PRKCB: variants seen among roughly 807,000 people sequenced by gnomAD.
The protein encoded by PRKCB is protein kinase C beta type.
A neutral mutation model predicts 81.5 loss-of-function variants in PRKCB; 13 were observed. That is an observed-to-expected ratio of 0.16 (90% CI 0.10 to 0.25). The LOEUF is 0.25. Among genes scored for constraint, PRKCB ranks in the 10% least tolerant of loss-of-function variants. The pLI is 1.00. For missense variants in PRKCB, 509 were observed against 875.7 expected (o/e 0.58, Z 5.29); for synonymous variants, 335 against 321.4 (o/e 1.04, Z -0.45).
In PRKCB at chr16:24,215,761, G is replaced by A. The variant is rs1041388467; in HGVS notation, c.*945G>A. The A allele has an allele frequency of 1.0e-6, 1 of 985,852 alleles. No homozygotes were observed. The highest frequency in any genetic ancestry group is 4.7e-5 in the South Asian group (1 of 21,286). The allele number at this position is 985,852 out of a possible 1,614,324, so 61.1% of individuals were successfully genotyped here. A position where few individuals can be genotyped will look rare whatever the true frequency, so the allele number is the denominator to read the frequency against. On this transcript the variant is annotated 3_prime_UTR_variant, in exon 17 of 17. Coordinates refer to ENST00000643927, the MANE Select transcript of PRKCB (RefSeq NM_002738.7). ...CTTTGATTTAACCAAGAAGACGGCT[G>A]CGGAGCCTAGCAGACTCAGGCCTGT...
chr16:24,164,640 G>A (rs530805681), intron 10 of PRKCB, among the ~76,000 whole-genome samples: 2 of 152,316 alleles, frequency 1.3e-5, no homozygotes, highest in African/African-American at 4.8e-5. Flanking sequence ...TGGAGCTCAG[G>A]AGAGAGGGAG....
Position 24,212,461 on chromosome 16 carries a change from C to CTTTTTTTTTTTT in PRKCB, c.1864-2182_1864-2171dup, listed in dbSNP as rs975667798. The stretch of plus-strand genomic sequence containing the variant: ...CTCTCTCCTCCTGTGCTTTTTTTTC[C>CTTTTTTTTTTTT]TTTTTTTTTTTTTTTTTTTTTTTTT... On this transcript the variant is annotated intron_variant, in intron 16 of 16. Coordinates refer to ENST00000643927, the MANE Select transcript of PRKCB (RefSeq NM_002738.7). Among the ~76,000 whole-genome samples, 116 of 78,010 alleles carry CTTTTTTTTTTTT rather than the reference C, an allele frequency of 1.5e-3. 1 individual carries two copies. In the East Asian group the frequency reaches 0.028, roughly 19 times the overall value. 51.2% of individuals were successfully genotyped at this position (78,010 alleles called of 152,430 possible).
intron 2 of PRKCB, among the ~76,000 whole-genome samples, chr16:23,839,852 G>A (rs999561223): frequency 6.6e-6 from 1 of 152,220 alleles, no homozygotes; most frequent in Non-Finnish European, 1.5e-5. Context: ...AGTATGCTCA[G>A]AAAATATCTG....
intron 2 of PRKCB, among the ~76,000 whole-genome samples, chr16:23,919,727 T>C (rs929359489): frequency 5.9e-5 from 9 of 152,180 alleles, no homozygotes; most frequent in African/African-American, 1.9e-4. Flanking sequence ...ATTTGAATAC[T>C]ATAGGTATCT....
At chr16:23,897,017 C>A (rs1417103673) in intron 2 of PRKCB, among the ~76,000 whole-genome samples, 1 of 152,102 alleles carries the variant, frequency 6.6e-6, no homozygotes, top group Non-Finnish European at 1.5e-5. Flanking sequence ...TCTATCCATT[C>A]ATCCATCCAT....
intron 7 of PRKCB, among the ~76,000 whole-genome samples, chr16:24,104,875 T>C (rs759288172): frequency 2.0e-5 from 3 of 152,114 alleles, no homozygotes; most frequent in Non-Finnish European, 4.4e-5. Context: ...TTGTCAGGAC[T>C]TTGTCTTCTA....
At chr16:24,021,037 T>TTTCTTTC (rs1567346754) in intron 3 of PRKCB, among the ~76,000 whole-genome samples, 1 of 139,184 alleles carries the variant, frequency 7.2e-6, no homozygotes, top group Admixed American at 7.2e-5. Flanking sequence ...TCTTTCTTTC[T>TTTCTTTC]TTCTCTTTCT....
rs78574940 is a variant in PRKCB at position 24,154,017 on chromosome 16, G to A, written c.1066-667G>A. 9.1e-3 allele frequency among the ~76,000 whole-genome samples: 1,383 copies of A among 152,348 alleles called. 11 individuals carry two copies. Among genetic ancestry groups the A allele is most frequent in the Admixed American group, 0.016 (248 of 15,310 alleles). ...TTTATTGAACATGTACTATGAGCCAGGAGCTATTGCAGGCTCTTGGGTTAC... is the reference window on the plus strand; with the variant it reads ...TTTATTGAACATGTACTATGAGCCAAGAGCTATTGCAGGCTCTTGGGTTAC... On this transcript the variant is annotated intron_variant, in intron 9 of 16. Coordinates refer to ENST00000643927, the MANE Select transcript of PRKCB (RefSeq NM_002738.7).
chr16:23,963,198 A>G (rs1360797322), intron 2 of PRKCB: 5 of 152,232 alleles, frequency 3.3e-5, no homozygotes, highest in Admixed American at 3.3e-4. Flanking sequence ...GCACATGGGC[A>G]AGTTTCCTCA....
chr16:24,156,583 C>G (rs1384010295), intron 10 of PRKCB, among the ~76,000 whole-genome samples: 1 of 152,058 alleles, frequency 6.6e-6, no homozygotes, highest in East Asian at 1.9e-4. Flanking sequence ...CCAAAGTTGG[C>G]TTTTAAAATA....
chr16:24,122,684 T>A (rs1360837557), intron 8 of PRKCB, among the ~76,000 whole-genome samples: 1 of 152,186 alleles, frequency 6.6e-6, no homozygotes, highest in Non-Finnish European at 1.5e-5. Flanking sequence ...GTTCTCAAAC[T>A]TCTATCCTCA....
chr16:24,188,030 A>G (rs1182498330), intron 15 of PRKCB, among the ~76,000 whole-genome samples: 1 of 152,188 alleles, frequency 6.6e-6, no homozygotes, highest in Non-Finnish European at 1.5e-5. Context: ...TCCCCTTCAC[A>G]CGCCCGCCCT....
intron 9 of PRKCB, among the ~76,000 whole-genome samples, chr16:24,153,566 C>T (rs1382136997): frequency 1.3e-5 from 2 of 152,190 alleles, no homozygotes; most frequent in Non-Finnish European, 2.9e-5. Context: ...GTGCTTCCTA[C>T]AGGGCTTCTT....
chr16:23,902,780 T>TCCTTCCTCCCTCCCTTCCTC (rs1567307987), intron 2 of PRKCB, among the ~76,000 whole-genome samples: 1 of 27,364 alleles, frequency 3.7e-5, no homozygotes, highest in African/African-American at 1.8e-4. Context: ...CTTCCTTCCT[T>TCCTTCCTCCCTCCCTTCCTC]CCTCCCTCCC....
intron 7 of PRKCB, among the ~76,000 whole-genome samples, chr16:24,096,652 CAAAAAA>C (rs1219127854): frequency 1.2e-4 from 5 of 41,794 alleles, no homozygotes; most frequent in South Asian, 9.1e-4. Context: ...CTTCCTATGG[CAAAAAA>C]AAAAAAAAAT....
intron 7 of PRKCB, among the ~76,000 whole-genome samples, chr16:24,112,448 G>A (rs1966686790): frequency 6.6e-6 from 1 of 152,174 alleles, no homozygotes; most frequent in Admixed American, 6.5e-5. Flanking sequence ...TGAGGCAGGA[G>A]GATCGCTTGA....
chr16:23,981,913 TC>T (rs1419368237), intron 2 of PRKCB, among the ~76,000 whole-genome samples: 1 of 43,160 alleles, frequency 2.3e-5, no homozygotes, highest in African/African-American at 9.1e-5. Context: ...CCCTTCCCCT[TC>T]CCCTTCCCTT....
At chr16:24,098,734 T>C (rs1029602841) in intron 7 of PRKCB, 8 of 152,106 alleles carry the variant, frequency 5.3e-5, no homozygotes, top group Non-Finnish European at 2.9e-5. Context: ...TGGGCAAAGA[T>C]TTCACCTCAG....
chr16:23,921,010 G>A (rs976324899), intron 2 of PRKCB, among the ~76,000 whole-genome samples: 2 of 152,184 alleles, frequency 1.3e-5, no homozygotes, highest in Non-Finnish European at 2.9e-5. Context: ...GCAGGAGACA[G>A]CATGTGCAGG....
Sources: allele counts gnomAD v4.1 joint callset (sites outside exome capture counted in the v4.1 genomes callset), GRCh38; gene constraint gnomAD v4.1.1; transcripts MANE v1.5; gene names NCBI Gene and HGNC (gene_info 2026-07-23, HGNC 2026-07-21).